Variants in ZSCAN20 observed in about 807,000 individuals in gnomAD.
ZSCAN20 encodes the protein zinc finger and SCAN domain-containing protein 20.
A neutral mutation model predicts 97.1 loss-of-function variants in ZSCAN20; 39 were observed. The ratio of observed to expected loss-of-function variants is 0.40; its 90% CI spans 0.31 to 0.52. ZSCAN20 has a LOEUF of 0.52. Ranked by LOEUF, ZSCAN20 falls within the 20% of genes least tolerant of loss-of-function variation. The pLI is 0.49. For synonymous variants in ZSCAN20, 456 were observed against 467.3 expected (o/e 0.98, Z 0.31); for missense variants, 1,115 against 1,290.4 (o/e 0.86, Z 2.08).
intron 1 of ZSCAN20, among the ~76,000 whole-genome samples, chr1:33,475,967 C>T (rs1263218632): frequency 6.6e-6 from 1 of 152,072 alleles, no homozygotes; most frequent in Non-Finnish European, 1.5e-5. Context: ...CGCGCCCGGC[C>T]CTCTTTCTCT....
chr1:33,489,338 C>T, intron 4 of ZSCAN20, 147 bp downstream of exon 4: 4 of 1,042,940 alleles, frequency 3.8e-6, no homozygotes, highest in South Asian at 1.5e-5. Flanking sequence ...CCCCAGCCTG[C>T]TGGGCCCCAA....
Position 33,495,046 on chromosome 1 carries a change from A to T in ZSCAN20, c.2702A>T (p.Lys901Ile), listed in dbSNP as rs1652801323. ...CACCAAAGAATCCATACGGGAGAGAAACCATATGAATGTGCCGAATGTGGG... is the reference window on the plus strand; with the variant it reads ...CACCAAAGAATCCATACGGGAGAGATACCATATGAATGTGCCGAATGTGGG... ...ISHQRIHTGE[K>I]PYECAECGKS... Residue 901 changes from lysine to isoleucine, a missense_variant, in exon 8 of 8, where the codon AAA becomes ATA. Physicochemically the swap from Lys to Ile is moderately radical, Grantham distance 102. Transcript: ENST00000684572. 1.4e-5 allele frequency: 22 copies of T among 1,613,216 alleles called. No individual in the cohort carries two copies. The highest frequency in any genetic ancestry group is 1.8e-5 in the Non-Finnish European group (21 of 1,179,352).
intron 2 of ZSCAN20, among the ~76,000 whole-genome samples, chr1:33,487,145 C>T (rs1652400518): frequency 1.3e-5 from 2 of 152,042 alleles, no homozygotes; most frequent in South Asian, 4.1e-4. Flanking sequence ...AGCATAGTTA[C>T]CTGTGATGAG....
rs761896921 is a variant in ZSCAN20, at chr1:33,479,327, G to A, written c.39G>A (p.Pro13=). 11 of 1,613,158 alleles carry A rather than the reference G, an allele frequency of 6.8e-6. No homozygotes were observed. The highest frequency in any genetic ancestry group is 1.7e-5 in the Admixed American group (1 of 59,960). The change falls in exon 2 of 8, where the codon CCG becomes CCA. Residue 13 remains proline, a synonymous_variant. Coordinates refer to ENST00000684572, the MANE Select transcript of ZSCAN20 (RefSeq NM_001377376.1). ...TGGAATTGCAAGCCCAGGCATCTCCGCAGCCAGAGCCTGAAGAACTCCTGA... is the reference window on the plus strand; with the variant it reads ...TGGAATTGCAAGCCCAGGCATCTCCACAGCCAGAGCCTGAAGAACTCCTGA... The part of the protein sequence containing the change: ...MALELQAQAS[P]QPEPEELLIV...
chr1:33,492,553 T>A (rs1652661148), intron 6 of ZSCAN20: 1 of 152,110 alleles, frequency 6.6e-6, no homozygotes, highest in South Asian at 2.1e-4. Flanking sequence ...GGTGGGCAGA[T>A]CACGAGGTCA....
At chr1:33,478,445 C>T (rs933232751) in intron 1 of ZSCAN20, among the ~76,000 whole-genome samples, 1 of 151,912 alleles carries the variant, frequency 6.6e-6, no homozygotes, top group Admixed American at 6.6e-5. Context: ...AGAAGGCAGA[C>T]ATGATTGCAG....
chr1:33,480,363 CA>C (rs941431604), intron 2 of ZSCAN20, among the ~76,000 whole-genome samples: 54 of 152,234 alleles, frequency 3.5e-4, no homozygotes, highest in African/African-American at 1.1e-3. Context: ...ACAAACGAAA[CA>C]AAACAAAATG....
rs563101732 is a variant in ZSCAN20 at position 33,490,180 on chromosome 1, G to A, written c.766+578G>A. 1.4e-4 allele frequency among the ~76,000 whole-genome samples: 22 copies of A among 152,326 alleles called. No individual in the cohort carries two copies. The South Asian group carries it at 4.1e-3, about 29-fold the overall frequency. ...CTCTGATAGGCCTGACTCATGGTAA[G>A]TTTAGATACCAGAAGCTCGCTGGCT... On this transcript the variant is annotated intron_variant, in intron 5 of 7. Coordinates refer to ENST00000684572, the MANE Select transcript of ZSCAN20 (RefSeq NM_001377376.1).
intron 4 of ZSCAN20, 156 bp from the exon 5 acceptor site, chr1:33,489,362 C>A: frequency 1.0e-6 from 1 of 973,060 alleles, no homozygotes; most frequent in Non-Finnish European, 1.6e-6. Context: ...TCCCCAAACA[C>A]ATGTATGTAC....
chr1:33,493,835 C>T lies in ZSCAN20; in HGVS notation c.1873+220C>T, dbSNP rs775897825. The stretch of plus-strand genomic sequence containing the variant: ...CTATCTTTTACTAGGTATATCTGGG[C>T]GGTTAGAGACTTTATTCAATCCAGT... On this transcript the variant is annotated intron_variant, in intron 7 of 7. Transcript: ENST00000684572. The surrounding 1 kb of genome is among the most constrained non-coding windows in gnomAD (Gnocchi z 4.3). Among the ~76,000 whole-genome samples the T allele has an allele frequency of 9.2e-5, 14 of 152,160 alleles. No individual in the cohort carries two copies. The highest frequency in any genetic ancestry group is 3.3e-4 in the Admixed American group (5 of 15,272).
chr1:33,494,233 A>G lies in ZSCAN20; in HGVS notation c.1889A>G (p.His630Arg), dbSNP rs761476015. 7 of 1,574,112 alleles carry G rather than the reference A, an allele frequency of 4.4e-6. No homozygotes were observed. Among genetic ancestry groups the G allele is most frequent in the South Asian group, 2.3e-5 (2 of 85,650 alleles). ...ATTTTTTCAGGTTTTGAAATGAGGC[A>G]TGAGGATGAAGACCAGATTTCAGAG... ...KAPDMGFEMR[H>R]EDEDQISEQD... The change falls in exon 8 of 8, where the codon CAT becomes CGT. Residue 630 changes from histidine to arginine, a missense_variant. Coordinates refer to ENST00000684572, the MANE Select transcript of ZSCAN20 (RefSeq NM_001377376.1).
chr1:33,473,271 C>T (rs1651798109), intron 1 of ZSCAN20, among the ~76,000 whole-genome samples: 1 of 152,078 alleles, frequency 6.6e-6, no homozygotes, highest in Admixed American at 6.5e-5. Flanking sequence ...CCCACTGATT[C>T]CTCTTGCATT....
rs769863259 is a variant in ZSCAN20 at position 33,489,467 on chromosome 1, T to C, written c.682-51T>C. ...TGGGAGCCTGCTAGGGTTCCTAGGC[T>C]GTTGTCAAAGGTCAGTGATGTTTGG... On this transcript the variant is annotated intron_variant, in intron 4 of 7. Transcript: ENST00000684572. 3.8e-6 allele frequency: 6 copies of C among 1,578,280 alleles called. No individual in the cohort carries two copies. In the African/African-American group the frequency reaches 8.1e-5, roughly 21 times the overall value.
intron 5 of ZSCAN20, 62 bp downstream of exon 5, chr1:33,489,664 G>A: frequency 1.3e-6 from 2 of 1,512,018 alleles, no homozygotes; most frequent in Non-Finnish European, 1.8e-6. Flanking sequence ...AGTTCCCAAA[G>A]AGGGTTTTGC....
At chr1:33,481,145 A>G (rs1483145097) in intron 2 of ZSCAN20, among the ~76,000 whole-genome samples, 1 of 152,172 alleles carries the variant, frequency 6.6e-6, no homozygotes, top group Non-Finnish European at 1.5e-5. Context: ...AAGTTACAGA[A>G]CTAAGTATGA....
In ZSCAN20 at chr1:33,494,839, C is replaced by G. The variant is rs1652790035; in HGVS notation, c.2495C>G (p.Ala832Gly). ...DQCSEPGGNF[A>G]QSPSFSAHWR... ...TGTAGTGAGCCTGGGGGAAACTTTG[C>G]CCAAAGCCCATCTTTTAGTGCTCAC... Residue 832 changes from alanine (A) to glycine (G), a missense_variant, in exon 8 of 8, where the codon GCC becomes GGC. By Grantham distance (60) the Ala-to-Gly change is moderately conservative. Coordinates refer to ENST00000684572, the MANE Select transcript of ZSCAN20 (RefSeq NM_001377376.1). 1 of 1,614,004 alleles carries G rather than the reference C, an allele frequency of 6.2e-7. No individual in the cohort carries two copies.
chr1:33,477,750 G>A (rs1651989699), intron 1 of ZSCAN20, among the ~76,000 whole-genome samples: 1 of 150,854 alleles, frequency 6.6e-6, no homozygotes, highest in Admixed American at 6.6e-5. Context: ...TATTTATTGA[G>A]TACTTCCTAT....
Position 33,501,223 on chromosome 1 carries a change from G to A in ZSCAN20, c.*5747G>A, listed in dbSNP as rs75927093. ...ATAGATGGAGAGGTAAGGCCAGCTA[G>A]GCTGGAGCGCCAGCATCAGTAGTAG... On this transcript the variant is annotated 3_prime_UTR_variant, in exon 8 of 8. Transcript: ENST00000684572. Among the ~76,000 whole-genome samples, 2,881 of 152,242 alleles carry A rather than the reference G, an allele frequency of 0.019. 71 individuals carry two copies. Among genetic ancestry groups the A allele is most frequent in the East Asian group, 0.08 (413 of 5,162 alleles).
At chr1:33,473,368 T>C (rs1345742482) in intron 1 of ZSCAN20, among the ~76,000 whole-genome samples, 2 of 152,194 alleles carry the variant, frequency 1.3e-5, no homozygotes, top group African/African-American at 4.8e-5. Context: ...GCAGAAGCCT[T>C]TTCAGTTTCC....
Sources: gnomAD v4.1 joint callset for allele counts (sites outside exome capture counted in the v4.1 genomes callset) on GRCh38, gnomAD v4.1.1 for gene constraint, Gnocchi (gnomAD v3.1) non-coding constraint, MANE v1.5 for transcripts, NCBI Gene and HGNC (gene_info 2026-07-23, HGNC 2026-07-21) for gene names.